PCNX2: variants seen among roughly 807,000 people sequenced by gnomAD.
The protein encoded by PCNX2 is pecanex 2.
A neutral mutation model predicts 223.8 loss-of-function variants in PCNX2; 168 were observed. The ratio of observed to expected loss-of-function variants is 0.75; its 90% confidence interval spans 0.66 to 0.85. The LOEUF (loss-of-function observed/expected upper bound fraction) is 0.85, where lower values mean the gene tolerates loss of function less well. Ranked by LOEUF, PCNX2 falls within the 40% of genes least tolerant of loss-of-function variation. The pLI, the probability that PCNX2 is intolerant of heterozygous loss-of-function variation, is 0.00. For synonymous variants in PCNX2, 1,006 were observed against 1,052.6 expected (o/e 0.96, Z 0.86); for missense variants, 2,507 against 2,675.5 (o/e 0.94, Z 1.39).
intron 10 of PCNX2, among the ~76,000 whole-genome samples, chr1:233,225,355 T>G (rs1458974007): frequency 6.6e-6 from 1 of 152,126 alleles, no homozygotes; most frequent in Non-Finnish European, 1.5e-5. Context: ...TGTGTATAGA[T>G]TATACCCATT....
intron 15 of PCNX2, among the ~76,000 whole-genome samples, chr1:233,182,185 C>G (rs1679840486): frequency 6.6e-6 from 1 of 152,154 alleles, no homozygotes; most frequent in African/African-American, 2.4e-5. Flanking sequence ...TTTTCTGTAA[C>G]CCAGGTGATT....
chr1:233,275,066 T>G (rs1334418386), intron 1 of PCNX2, among the ~76,000 whole-genome samples: 1 of 152,210 alleles, frequency 6.6e-6, no homozygotes, highest in Non-Finnish European at 1.5e-5. Context: ...TTCTATAAAA[T>G]CACTTCAAAA....
chr1:233,101,805 A>G (rs770127701), intron 21 of PCNX2, among the ~76,000 whole-genome samples: 3 of 152,204 alleles, frequency 2.0e-5, no homozygotes, highest in African/African-American at 4.8e-5. Context: ...GGGTTTTAGC[A>G]TATTTGAATA....
At chr1:233,032,931 G>A in intron 25 of PCNX2, 7 of 941,916 alleles carry the variant, frequency 7.4e-6, no homozygotes, top group African/African-American at 1.8e-5. Flanking sequence ...AAAAGAATAT[G>A]AAAATAATAA....
intron 23 of PCNX2, among the ~76,000 whole-genome samples, chr1:233,066,323 G>A (rs1053991299): frequency 3.3e-5 from 5 of 152,232 alleles, no homozygotes; most frequent in African/African-American, 9.6e-5. Context: ...TGGGAAAGAA[G>A]AGCTGTGATC....
chr1:233,292,928 G>GT (rs943826330), intron 1 of PCNX2, among the ~76,000 whole-genome samples: 39 of 151,298 alleles, frequency 2.6e-4, no homozygotes, highest in African/African-American at 3.6e-4. Context: ...GGGCATATCT[G>GT]TTTTTTTTTA....
intron 25 of PCNX2, among the ~76,000 whole-genome samples, chr1:233,046,791 G>A (rs1330820267): frequency 2.6e-5 from 4 of 152,178 alleles, no homozygotes; most frequent in African/African-American, 7.2e-5. Context: ...TGAAATTCAA[G>A]GAGTCTGGTA....
chr1:233,284,034 C>T, intron 1 of PCNX2, among the ~76,000 whole-genome samples: 1 of 152,118 alleles, frequency 6.6e-6, no homozygotes, highest in East Asian at 1.9e-4. Context: ...GACACAGAGG[C>T]TTAGATAACT....
intron 10 of PCNX2, among the ~76,000 whole-genome samples, chr1:233,226,943 C>G (rs1260109660): frequency 6.6e-6 from 1 of 152,104 alleles, no homozygotes; most frequent in Non-Finnish European, 1.5e-5. Context: ...CAAACCATTT[C>G]TTATTTCTTA....
At chr1:233,116,366 A>G (rs1300748899) in intron 21 of PCNX2, among the ~76,000 whole-genome samples, 2 of 152,080 alleles carry the variant, frequency 1.3e-5, no homozygotes, top group Admixed American at 6.5e-5. Flanking sequence ...GATAGACCAT[A>G]TTCTAGGCTA....
At chr1:232,995,483 T>C (rs1273932086) in intron 32 of PCNX2, among the ~76,000 whole-genome samples, 3 of 152,134 alleles carry the variant, frequency 2.0e-5, no homozygotes, top group Non-Finnish European at 4.4e-5. Flanking sequence ...AGTAAGCGTG[T>C]CATTTAAATA....
At chr1:233,185,084 AACACACACACACACACAC>A (rs60719299) in intron 15 of PCNX2, among the ~76,000 whole-genome samples, 32 of 141,832 alleles carry the variant, frequency 2.3e-4, no homozygotes, top group African/African-American at 5.6e-4. Flanking sequence ...TACATACATA[AACACACACACACACACAC>A]ACACACACAC....
chr1:232,994,595 T>C (rs1181422503), intron 32 of PCNX2, among the ~76,000 whole-genome samples: 2 of 152,190 alleles, frequency 1.3e-5, no homozygotes, highest in Non-Finnish European at 2.9e-5. Context: ...TGATTGGTTT[T>C]GAAATGTGAA....
chr1:233,252,473 A>T lies in PCNX2; in HGVS notation c.2009T>A (p.Ile670Lys). ...TTGTTGGGAAGTTACCCTGTAGATT[A>T]TCTGTCTTTGTCTATTGCCCTGAAA... ...AFFQGNRQRQ[I>K]IYRVTSQQDS... Residue 670 changes from isoleucine (I) to lysine (K), a missense_variant, in exon 7 of 34, where the codon ATA becomes AAA. Transcript: ENST00000258229. 1 of 1,612,606 alleles carries T rather than the reference A, an allele frequency of 6.2e-7. No individual in the cohort carries two copies. Among genetic ancestry groups the T allele is most frequent in the Non-Finnish European group, 8.5e-7 (1 of 1,179,012 alleles).
chr1:233,129,341 C>T (rs1482281651), intron 21 of PCNX2, among the ~76,000 whole-genome samples: 1 of 152,186 alleles, frequency 6.6e-6, no homozygotes, highest in Non-Finnish European at 1.5e-5. Flanking sequence ...GCTGCCTCCC[C>T]ACGGGGCAGG....
At chr1:233,100,417 CAAAAAAAAAAA>C (rs5781726) in intron 21 of PCNX2, among the ~76,000 whole-genome samples, 2 of 81,074 alleles carry the variant, frequency 2.5e-5, no homozygotes, top group African/African-American at 4.9e-5. Context: ...GATTCTGTCT[CAAAAAAAAAAA>C]AAAAAAAAAA....
chr1:233,049,892 C>T (rs1206599405), intron 25 of PCNX2, among the ~76,000 whole-genome samples: 3 of 151,616 alleles, frequency 2.0e-5, no homozygotes, highest in East Asian at 1.9e-4. Context: ...CACACAAATA[C>T]CTAAGAATAC....
At position 233,161,580 on chromosome 1, in the gene PCNX2, G is replaced by A. The variant is rs115949858; in HGVS notation, c.3274-217C>T. 4.9e-3 allele frequency among the ~76,000 whole-genome samples: 743 copies of A among 152,212 alleles called. 11 individuals carry two copies. Among genetic ancestry groups the A allele is most frequent in the African/African-American group, 0.017 (714 of 41,532 alleles). ...CTAAGGTGGGCTGGGGGAGAGTGGT[G>A]GGGGAGAGGAATCACACACTGCAAG... On this transcript the variant is annotated intron_variant, in intron 17 of 33. Transcript: ENST00000258229.
chr1:233,220,752 G>T (rs757959483), intron 10 of PCNX2, among the ~76,000 whole-genome samples: 1 of 152,016 alleles, frequency 6.6e-6, no homozygotes, highest in Non-Finnish European at 1.5e-5. Context: ...GAGGGAAAAA[G>T]AACCCGAATC....
Sources: gnomAD v4.1 joint callset for allele counts (sites outside exome capture counted in the v4.1 genomes callset) on GRCh38, gnomAD v4.1.1 for gene constraint, MANE v1.5 for transcripts, NCBI Gene and HGNC (gene_info 2026-07-23, HGNC 2026-07-21) for gene names.